Variants in HGS observed in about 807,000 individuals in gnomAD.
HGS encodes hepatocyte growth factor-regulated tyrosine kinase substrate, also known as human growth factor-regulated tyrosine kinase substrate.
Under a neutral mutation model 109.7 loss-of-function variants are expected in HGS, and 63 were observed. The ratio of observed to expected loss-of-function variants is 0.57; its 90% CI spans 0.47 to 0.71. The LOEUF (loss-of-function observed/expected upper bound fraction) is 0.71. Among genes scored for constraint, HGS ranks in the 30% least tolerant of loss-of-function variants. HGS has a pLI of 0.00. For synonymous variants in HGS, 546 were observed against 437.3 expected, an observed-to-expected ratio of 1.25 and a Z score of -3.10; for missense variants, 995 against 1,068.3, an observed-to-expected ratio of 0.93 and a Z score of 0.96.
chr17:81,695,407 C>T (rs1176738270), intron 14 of HGS, among the ~76,000 whole-genome samples, 184 bp downstream of exon 14: 2 of 152,256 alleles, frequency 1.3e-5, no homozygotes, highest in East Asian at 1.9e-4. Context: ...AACTCTACAC[C>T]AGGCTGTGGT....
chr17:81,695,139 G>T (rs770938286), intron 13 of HGS, 25 bp from the exon 14 acceptor site: 25 of 1,613,912 alleles, frequency 1.5e-5, no homozygotes, highest in Non-Finnish European at 2.1e-5. Flanking sequence ...CAGGTTGGAG[G>T]CCCCACTCAT....
chr17:81,696,038 C>T, intron 15 of HGS, 39 bp downstream of exon 15: 1 of 1,502,032 alleles, frequency 6.7e-7, no homozygotes, highest in South Asian at 1.3e-5. Context: ...TCAGGGGCAG[C>T]CAGGTGTTGT....
In HGS at chr17:81,701,122, G is replaced by A. The variant is rs762797963; in HGVS notation, c.2214G>A (p.Met738Ile). The A allele has an allele frequency of 1.2e-6, 2 of 1,613,728 alleles. No homozygotes were observed. The highest frequency in any genetic ancestry group is 1.7e-6 in the Non-Finnish European group (2 of 1,179,886). Residue 738 changes from methionine to isoleucine, a missense_variant, in exon 21 of 22, where the codon ATG (methionine) becomes ATA (isoleucine). This residue lies in a region of HGS where 326 missense variants were observed against 309.7 expected (regional missense o/e 1.05). Transcript: ENST00000329138. ...QQPYIAGQQP[M>I]YQQMAPSGGP... ...CCTACATCGCGGGGCAGCAGCCCAT[G>A]TACCAGCAGGTGAGCCATTCCCGGG...
At position 81,695,954 on chromosome 17, in the gene HGS, C is replaced by T; in HGVS notation, c.1348C>T (p.His450Tyr). 6.3e-7 allele frequency: 1 copy of T among 1,579,540 alleles called. No homozygotes were observed. The highest frequency in any genetic ancestry group is 1.3e-5 in the African/African-American group (1 of 74,590). The change falls in exon 15 of 22, where the codon CAC becomes TAC. Residue 450 changes from histidine (H) to tyrosine (Y), a missense_variant. Physicochemically the swap from His to Tyr is moderately conservative, Grantham distance 83 (BLOSUM62 2). Transcript: ENST00000329138. The part of the protein sequence containing the change: ...LSLFQSINGM[H>Y]PQLLELLNQL... The stretch of plus-strand genomic sequence containing the variant: ...ACTCTTCCAGTCCATCAACGGCATG[C>T]ACCCGCAGCTGCTGGAGCTGCTCAA...
At chr17:81,700,992 C>T (rs1360283029) in intron 20 of HGS, 53 bp from the exon 21 acceptor site, 34 of 1,565,452 alleles carry the variant, frequency 2.2e-5, no homozygotes, top group African/African-American at 6.8e-5. Flanking sequence ...GAAACATCCC[C>T]GCCTGCCTGG....
rs148583822 is a variant in HGS at position 81,696,741 on chromosome 17, C to T, written c.1701C>T (p.Tyr567=). ...RAQMPAFPLP[Y]AQLQAMPAAG... ...AGATGCCCGCCTTCCCCCTGCCCTA[C>T]GCCCAGGCATGTGCCATCCTCCCGC... is the stretch of plus-strand genomic sequence containing the variant. Residue 567 remains tyrosine (Y), a synonymous_variant, in exon 17 of 22, where the codon TAC becomes TAT. Transcript: ENST00000329138. 418 of 1,606,182 alleles carry T rather than the reference C, an allele frequency of 2.6e-4. 2 individuals are homozygous for T. The African/African-American group carries it at 4.9e-3, about 19-fold the overall frequency.
intron 5 of HGS, among the ~76,000 whole-genome samples, chr17:81,689,805 A>T (rs2037036727): frequency 6.6e-6 from 1 of 151,824 alleles, no homozygotes; most frequent in African/African-American, 2.4e-5. Flanking sequence ...GCTCTCCTGG[A>T]TTTTTTCTGG....
At position 81,693,904 on chromosome 17, in the gene HGS, C is replaced by T. The variant is rs529691556; in HGVS notation, c.875C>T (p.Ala292Val). ...QKSTYTSYPK[A>V]EPMPSASSAP... is the part of the protein sequence containing the mutation. ...TCCACGTACACTTCGTACCCCAAGG[C>T]GGAGCCCATGCCCTCGGCCTCCTCA... Residue 292 changes from alanine to valine, a missense_variant, in exon 11 of 22, where the codon GCG becomes GTG. Physicochemically the swap from Ala to Val is moderately conservative, Grantham distance 64. Transcript: ENST00000329138. 13 of 1,611,476 alleles carry T rather than the reference C, an allele frequency of 8.1e-6. No homozygotes were observed. The highest frequency in any genetic ancestry group is 5.5e-5 in the South Asian group (5 of 90,992).
chr17:81,701,048 C>T lies in HGS; in HGVS notation c.2140C>T (p.Leu714Phe). 1 of 1,613,880 alleles carries T rather than the reference C, an allele frequency of 6.2e-7. No homozygotes were observed. The highest frequency in any genetic ancestry group is 8.5e-7 in the Non-Finnish European group (1 of 1,179,834). ...ATCTGACGTCTTCTCACAACAGAAT[C>T]TCATGACCACCCTCCCAAGCCAGGA... is the stretch of plus-strand genomic sequence containing the variant. ...MGYQPYNMQN[L>F]MTTLPSQDAS... is the part of the protein sequence containing the mutation. Residue 714 changes from leucine to phenylalanine, a missense_variant, in exon 21 of 22, where the codon CTC becomes TTC. Physicochemically the swap from Leu to Phe is conservative, Grantham distance 22. Around this residue, in one of 6 missense-constraint regions of HGS, gnomAD observed 326 missense variants for 309.7 expected, o/e 1.05. Coordinates refer to ENST00000329138, the MANE Select transcript of HGS (RefSeq NM_004712.5).
chr17:81,687,184 C>A, intron 4 of HGS, 89 bp downstream of exon 4: 1 of 859,924 alleles, frequency 1.2e-6, no homozygotes. Context: ...CAGAACAGCA[C>A]CAGGTGTGGC....
chr17:81,696,341 T>G lies in HGS; in HGVS notation c.1394-16T>G, dbSNP rs1440487991. 6.4e-7 allele frequency: 1 copy of G among 1,552,374 alleles called. No individual in the cohort carries two copies. The highest frequency in any genetic ancestry group is 8.7e-7 in the Non-Finnish European group (1 of 1,153,550). ...TGTGCCGGAGTGGTCAGGGTTGCTCTGTCATCTGCCCACAGTGTACTATGA... is the reference window on the plus strand; with the variant it reads ...TGTGCCGGAGTGGTCAGGGTTGCTCGGTCATCTGCCCACAGTGTACTATGA... On this transcript the variant is annotated splice_polypyrimidine_tract_variant and intron_variant, in intron 15 of 21. Transcript: ENST00000329138.
intron 2 of HGS, 121 bp from the exon 3 acceptor site, chr17:81,686,191 A>G: frequency 3.8e-6 from 3 of 791,166 alleles, no homozygotes; most frequent in East Asian, 5.4e-5. Flanking sequence ...TTGGCCTCCC[A>G]AAGCACTGGG....
rs1279156993 is a variant in HGS, at chr17:81,693,455, A to G, written c.663-48A>G. 4.2e-6 allele frequency: 6 copies of G among 1,413,990 alleles called. No homozygotes were observed. The South Asian group carries it at 4.7e-5, about 11-fold the overall frequency. The allele number at this position is 1,413,990 out of a possible 1,614,324, so 87.6% of individuals were successfully genotyped here. A position where few individuals can be genotyped will look rare whatever the true frequency, so the allele number is the denominator to read the frequency against. On this transcript the variant is annotated intron_variant, in intron 8 of 21. Transcript: ENST00000329138. ...TGTGGTTGAGAGCTTTGGCGGGGGC[A>G]GGGCGGTGTCAGCGCATGGTGACCT...
chr17:81,684,486 C>G (rs2036939243), intron 1 of HGS: 1 of 206,692 alleles, frequency 4.8e-6, no homozygotes, highest in East Asian at 1.1e-4. Context: ...ACTTGGGCTT[C>G]TGACCCAAAA....
In HGS at chr17:81,701,584, A is replaced by G; in HGVS notation, c.2300A>G (p.Gln767Arg). The change falls in exon 22 of 22, where the codon CAG (glutamine) becomes CGG (arginine). Residue 767 changes from glutamine to arginine, a missense_variant. Physicochemically the swap from Gln to Arg is conservative, Grantham distance 43. This residue lies in a region of HGS where 326 missense variants were observed against 309.7 expected (regional missense o/e 1.05). Transcript: ENST00000329138. ...QQPQAQGPPA[Q>R]GSEAQLISFD Reference sequence around the variant, plus strand: ...CCGCAGGCACAGGGGCCGCCGGCACAGGGCAGCGAGGCCCAGCTCATTTCA... The same window carrying G: ...CCGCAGGCACAGGGGCCGCCGGCACGGGGCAGCGAGGCCCAGCTCATTTCA... 1.3e-6 allele frequency: 2 copies of G among 1,569,596 alleles called. No homozygotes were observed. Among genetic ancestry groups the G allele is most frequent in the Non-Finnish European group, 1.7e-6 (2 of 1,164,568 alleles).
rs988679832 is a variant in HGS, at chr17:81,692,004, C to T, written c.662+433C>T. 13 of 189,106 alleles carry T rather than the reference C, an allele frequency of 6.9e-5. No homozygotes were observed. In the East Asian group the frequency reaches 1.2e-3, roughly 17 times the overall value. 11.7% of individuals were successfully genotyped at this position (189,106 alleles called of 1,614,324 possible). A position where few individuals can be genotyped will look rare whatever the true frequency, so the allele number is the denominator to read the frequency against. ...GCAGAGTTTACTCTGCCTCCCCTCT[C>T]CTGCGCGTGCGTGTGTTCACACAGG... is the stretch of plus-strand genomic sequence containing the variant. On this transcript the variant is annotated intron_variant, in intron 8 of 21. Coordinates refer to ENST00000329138, the MANE Select transcript of HGS (RefSeq NM_004712.5).
At chr17:81,689,372 G>A (rs144894179) in intron 5 of HGS, among the ~76,000 whole-genome samples, 359 of 152,342 alleles carry the variant, frequency 2.4e-3, no homozygotes, top group Non-Finnish European at 4.2e-3. Flanking sequence ...GTGGGTTTTC[G>A]TCTAGGTCGT....
chr17:81,688,970 A>G (rs1412803193), intron 5 of HGS, 143 bp downstream of exon 5: 3 of 1,155,934 alleles, frequency 2.6e-6, no homozygotes, highest in Non-Finnish European at 3.7e-6. Context: ...GGAGCCAGGG[A>G]AGACCGTGCA....
chr17:81,697,866 A>T (rs1037833134), intron 18 of HGS: 1 of 151,912 alleles, frequency 6.6e-6, no homozygotes, highest in Non-Finnish European at 1.5e-5. Flanking sequence ...TTATTTTTAG[A>T]GTCTCGCTGT....
Sources: gnomAD v4.1 joint callset for allele counts (sites outside exome capture counted in the v4.1 genomes callset) on GRCh38, gnomAD v4.1.1 for gene constraint, gnomAD v4.1.1 regional missense constraint, MANE v1.5 for transcripts, NCBI Gene and HGNC (gene_info 2026-07-23, HGNC 2026-07-21) for gene names.